NALF1: variants seen among roughly 807,000 people sequenced by gnomAD.
NALF1 encodes family with sequence similarity 155 member A.
Under a neutral mutation model 48.4 loss-of-function variants are expected in NALF1, and 3 were observed. That is an observed-to-expected ratio of 0.06 (90% CI 0.03 to 0.16). NALF1 has a LOEUF of 0.16. NALF1 is among the 10% of genes least tolerant of loss of function. The pLI is 1.00. For synonymous variants in NALF1, 262 were observed against 245.7 expected (o/e 1.07, Z -0.62); for missense variants, 526 against 571.5 (o/e 0.92, Z 0.81).
At chr13:107,840,406 A>C in intron 1 of NALF1, among the ~76,000 whole-genome samples, 1 of 152,250 alleles carries the variant, frequency 6.6e-6, no homozygotes, top group East Asian at 1.9e-4. Flanking sequence ...GATATTCATC[A>C]GGTCCCCTGG....
At chr13:107,683,139 T>C (rs549584979) in intron 1 of NALF1, among the ~76,000 whole-genome samples, 2 of 151,982 alleles carry the variant, frequency 1.3e-5, no homozygotes, top group Non-Finnish European at 2.9e-5. Context: ...AGAGTGCACC[T>C]GTGGTCCTAG....
intron 1 of NALF1, among the ~76,000 whole-genome samples, chr13:107,653,750 AT>A (rs1880505946): frequency 6.6e-6 from 1 of 151,966 alleles, no homozygotes; most frequent in Non-Finnish European, 1.5e-5. Context: ...TGAGGTCAAA[AT>A]TACTTGACTC....
rs149525922 is a variant in NALF1 at position 107,493,497 on chromosome 13, T to C, written c.916-282742A>G. 3.2e-4 allele frequency among the ~76,000 whole-genome samples: 49 copies of C among 152,160 alleles called. 1 individual carries two copies. In the East Asian group the frequency reaches 9.1e-3, roughly 28 times the overall value. ...TATGTTTATTCTACCTGTAAAAATA[T>C]TGACCGCAGTAAAATCAGCAGTTAG... On this transcript the variant is annotated intron_variant, in intron 1 of 2. Coordinates refer to ENST00000375915, the MANE Select transcript of NALF1 (RefSeq NM_001080396.3).
At chr13:107,662,720 A>C (rs1880761916) in intron 1 of NALF1, among the ~76,000 whole-genome samples, 1 of 152,218 alleles carries the variant, frequency 6.6e-6, no homozygotes, top group Non-Finnish European at 1.5e-5. Flanking sequence ...AATTAACAGT[A>C]AAGAAATTTT....
intron 1 of NALF1, among the ~76,000 whole-genome samples, chr13:107,542,973 A>G (rs1363090671): frequency 6.6e-6 from 1 of 152,044 alleles, no homozygotes; most frequent in Non-Finnish European, 1.5e-5. Context: ...CTCACAGTTT[A>G]TAATAATCAC....
chr13:107,744,229 C>G (rs185244622), intron 1 of NALF1, among the ~76,000 whole-genome samples: 122 of 152,222 alleles, frequency 8.0e-4, no homozygotes, highest in South Asian at 2.7e-3. Context: ...CTCTGAGACG[C>G]AAGAATTTTC....
intron 1 of NALF1, among the ~76,000 whole-genome samples, chr13:107,863,804 T>G (rs1880640447): frequency 6.6e-6 from 1 of 152,288 alleles, no homozygotes; most frequent in South Asian, 2.1e-4. Flanking sequence ...GAAAGAAAAC[T>G]TTTTAATATA....
intron 1 of NALF1, among the ~76,000 whole-genome samples, chr13:107,246,532 A>G (rs537476538): frequency 3.9e-5 from 6 of 152,310 alleles, no homozygotes; most frequent in African/African-American, 1.4e-4. Context: ...TTTTCAGAGC[A>G]GGGTGAGAGG....
intron 1 of NALF1, among the ~76,000 whole-genome samples, chr13:107,752,759 T>C (rs899681822): frequency 2.0e-5 from 3 of 152,182 alleles, no homozygotes; most frequent in Admixed American, 6.5e-5. Flanking sequence ...AAGTAAATGC[T>C]CAGCACAAGA....
At chr13:107,733,634 G>C in intron 1 of NALF1, among the ~76,000 whole-genome samples, 1 of 152,166 alleles carries the variant, frequency 6.6e-6, no homozygotes, top group East Asian at 1.9e-4. Context: ...AAATAAGGAA[G>C]TAATTTTTAT....
At chr13:107,846,749 C>T (rs1247831935) in intron 1 of NALF1, among the ~76,000 whole-genome samples, 2 of 152,120 alleles carry the variant, frequency 1.3e-5, no homozygotes, top group African/African-American at 2.4e-5. Flanking sequence ...AGGCAGTTGT[C>T]CTAAAGTGCC....
chr13:107,609,498 C>A (rs967677071), intron 1 of NALF1, among the ~76,000 whole-genome samples: 1 of 152,212 alleles, frequency 6.6e-6, no homozygotes, highest in Non-Finnish European at 1.5e-5. Flanking sequence ...TGCTTTTCAA[C>A]CAAGAGCCTT....
chr13:107,456,121 G>A (rs1347833461), intron 1 of NALF1, among the ~76,000 whole-genome samples: 2 of 152,168 alleles, frequency 1.3e-5, no homozygotes, highest in Non-Finnish European at 2.9e-5. Context: ...AGGATAGAGG[G>A]ATAGAGGAGT....
intron 1 of NALF1, among the ~76,000 whole-genome samples, chr13:107,337,897 G>A (rs535982421): frequency 2.6e-5 from 4 of 152,242 alleles, no homozygotes; most frequent in African/African-American, 9.6e-5. Context: ...GCTAAGAAAA[G>A]TAAAAAGAAA....
intron 1 of NALF1, among the ~76,000 whole-genome samples, chr13:107,850,504 G>T (rs1186499838): frequency 6.6e-6 from 1 of 152,138 alleles, no homozygotes; most frequent in Non-Finnish European, 1.5e-5. Flanking sequence ...GGCCATTAGG[G>T]ATTCAGTTTC....
intron 1 of NALF1, among the ~76,000 whole-genome samples, chr13:107,859,721 G>A (rs1341420276): frequency 6.6e-6 from 1 of 151,862 alleles, no homozygotes; most frequent in Non-Finnish European, 1.5e-5. Flanking sequence ...TGGCCAACAT[G>A]GTGAAACACC....
chr13:107,562,432 C>G (rs1166640822), intron 1 of NALF1, among the ~76,000 whole-genome samples: 3 of 152,234 alleles, frequency 2.0e-5, no homozygotes, highest in Non-Finnish European at 4.4e-5. Flanking sequence ...AGTCCCTGGA[C>G]TCCTGCTGGC....
intron 1 of NALF1, among the ~76,000 whole-genome samples, chr13:107,443,308 G>A (rs573189931): frequency 7.9e-5 from 12 of 151,980 alleles, no homozygotes; most frequent in African/African-American, 1.4e-4. Context: ...CTCTACCTCC[G>A]GGGTTCAAGT....
intron 1 of NALF1, among the ~76,000 whole-genome samples, chr13:107,491,267 A>G (rs535619666): frequency 6.6e-6 from 1 of 152,340 alleles, no homozygotes; most frequent in South Asian, 2.1e-4. Flanking sequence ...CTAGGGTCAC[A>G]TAGAAATGAC....
Sources: gnomAD v4.1 joint callset for allele counts (sites outside exome capture counted in the v4.1 genomes callset) on GRCh38, gnomAD v4.1.1 for gene constraint, MANE v1.5 for transcripts, NCBI Gene and HGNC (gene_info 2026-07-23, HGNC 2026-07-21) for gene names.